The following ABCC3 variants were observed in gnomAD, a reference collection of about 807,000 sequenced individuals.
ABCC3 encodes ATP binding cassette subfamily C member 3.
In ABCC3, 121 loss-of-function variants were observed where a neutral mutation model predicts 165.3. The observed-to-expected ratio is 0.73, with a 90% CI of 0.63 to 0.85. The LOEUF is 0.85. Ranked by LOEUF, ABCC3 falls within the 40% of genes least tolerant of loss-of-function variation. The probability of loss-of-function intolerance (pLI) is 0.00; values close to 1 mark genes in which losing one functional copy is unlikely to be tolerated. For synonymous variants in ABCC3, 733 were observed against 810.1 expected (o/e 0.90, Z 1.62); for missense variants, 1,869 against 1,964.1 (o/e 0.95, Z 0.92).
In ABCC3 at chr17:50,683,935, C is replaced by T. The variant is rs1229353531; in HGVS notation, c.3955-14C>T. 1 of 1,611,310 alleles carries T rather than the reference C, an allele frequency of 6.2e-7. No individual in the cohort carries two copies. The highest frequency in any genetic ancestry group is 8.5e-7 in the Non-Finnish European group (1 of 1,178,942). On this transcript the variant is annotated splice_polypyrimidine_tract_variant and intron_variant, in intron 27 of 30. Transcript: ENST00000285238. ...TCAGCTTCCCCCTCAGAGCCCCTTC[C>T]CTTCTCCGCCCAGGTGGGGATCGTG...
At position 50,675,704 on chromosome 17, in the gene ABCC3, G is replaced by T; in HGVS notation, c.2788G>T (p.Glu930Ter). Residue 930 changes from glutamate to a stop codon, truncating the protein, a stop_gained, in exon 21 of 31, where the codon GAG (glutamate) becomes TAG (stop). Transcript: ENST00000285238. LOFTEE classifies it high-confidence loss of function. The stretch of plus-strand genomic sequence containing the variant: ...ACCCCGGAGGCACCTGGGTCCATCA[G>T]AGAAGGTGCAGGTGACAGAGGCGAA... ...PVPRRHLGPS[E>*]KVQVTEAKAD... is the part of the protein sequence containing the mutation. The T allele has an allele frequency of 6.4e-7, 1 of 1,569,684 alleles. No homozygotes were observed. Among genetic ancestry groups the T allele is most frequent in the East Asian group, 2.4e-5 (1 of 42,504 alleles).
At chr17:50,648,559 G>A in intron 1 of ABCC3, among the ~76,000 whole-genome samples, 1 of 152,182 alleles carries the variant, frequency 6.6e-6, no homozygotes, top group Middle Eastern at 3.2e-3. Context: ...GATTCTTCCA[G>A]TTGTTGGGGG....
At chr17:50,678,366 A>AT (rs1156899030) in intron 25 of ABCC3, 147 bp downstream of exon 25, 1 of 890,082 alleles carries the variant, frequency 1.1e-6, no homozygotes. Flanking sequence ...AAAAAAAAAA[A>AT]GAAAAAAATC....
At chr17:50,635,590 G>T (rs748964710) in intron 1 of ABCC3, 51 of 702,502 alleles carry the variant, frequency 7.3e-5, no homozygotes, top group South Asian at 7.4e-5. Flanking sequence ...GCAGACCCCA[G>T]TCTGGAGACA....
rs1178432608 is a variant in ABCC3, at chr17:50,657,186, A to C, written c.486+3A>C. 1 of 1,613,500 alleles carries C rather than the reference A, an allele frequency of 6.2e-7. No homozygotes were observed. The highest frequency in any genetic ancestry group is 8.5e-7 in the Non-Finnish European group (1 of 1,179,730). ...AGATCCTTTTAGCCAAGGCAGAGGTAAGGTTGGGGGAGAGGGGAACCTGCC... is the reference window on the plus strand; with the variant it reads ...AGATCCTTTTAGCCAAGGCAGAGGTCAGGTTGGGGGAGAGGGGAACCTGCC... On this transcript the variant is annotated splice_donor_region_variant and intron_variant, in intron 4 of 30. Coordinates refer to ENST00000285238, the MANE Select transcript of ABCC3 (RefSeq NM_003786.4).
rs1228307856 is a variant in ABCC3 at position 50,683,951 on chromosome 17, G to A, written c.3957G>A (p.Val1319=). ...LSLHVHGGEK[V]GIVGRTGAGK... is the part of the protein sequence containing the mutation. ...AGCCCCTTCCCTTCTCCGCCCAGGT[G>A]GGGATCGTGGGCCGCACTGGGGCTG... Residue 1319 remains valine (V), a splice_region_variant and synonymous_variant, in exon 28 of 31, where the codon GTG becomes GTA. Coordinates refer to ENST00000285238, the MANE Select transcript of ABCC3 (RefSeq NM_003786.4). The A allele has an allele frequency of 6.2e-7, 1 of 1,612,958 alleles. No individual in the cohort carries two copies. Among genetic ancestry groups the A allele is most frequent in the Non-Finnish European group, 8.5e-7 (1 of 1,179,548 alleles).
chr17:50,683,481 C>G (rs941982475), intron 26 of ABCC3, 129 bp from the exon 27 acceptor site: 1 of 1,044,884 alleles, frequency 9.6e-7, no homozygotes. Flanking sequence ...GGCTGAGCCA[C>G]AGGGGTGCCA....
At chr17:50,648,296 T>C (rs1967043010) in intron 1 of ABCC3, among the ~76,000 whole-genome samples, 1 of 152,020 alleles carries the variant, frequency 6.6e-6, no homozygotes, top group African/African-American at 2.4e-5. Context: ...TTGGAGTCTG[T>C]AAAAGCTCGG....
chr17:50,652,242 T>C (rs1486879601), intron 1 of ABCC3, among the ~76,000 whole-genome samples: 1 of 152,210 alleles, frequency 6.6e-6, no homozygotes, highest in Non-Finnish European at 1.5e-5. Flanking sequence ...TCTTACAGCT[T>C]TCATTTAAAT....
At chr17:50,652,958 G>T (rs763191294) in intron 1 of ABCC3, among the ~76,000 whole-genome samples, 2 of 152,210 alleles carry the variant, frequency 1.3e-5, no homozygotes, top group East Asian at 3.8e-4. Context: ...TTGGCACAGT[G>T]TGCCCTGTCA....
At chr17:50,674,770 A>G (rs1179476244) in intron 19 of ABCC3, among the ~76,000 whole-genome samples, 1 of 142,444 alleles carries the variant, frequency 7.0e-6, no homozygotes, top group African/African-American at 2.6e-5. Context: ...CACTGGACAC[A>G]TTTTCTTTTA....
rs372554197 is a variant in ABCC3 at position 50,678,186 on chromosome 17, G to T, written c.3672G>T (p.Gly1224=). ...AVIGRSSLNP[G]LVGLSVSYSL... ...TCGGGAGGAGCAGCCTGAACCCGGG[G>T]CTGGTGGGCCTTTCTGTGTCCTACT... The change falls in exon 25 of 31, where the codon GGG becomes GGT. Residue 1224 remains glycine, a synonymous_variant. Transcript: ENST00000285238. The T allele has an allele frequency of 1.3e-6, 2 of 1,539,126 alleles. No homozygotes were observed. The highest frequency in any genetic ancestry group is 1.4e-5 in the African/African-American group (1 of 72,662).
chr17:50,684,212 C>T (rs1967980855), intron 28 of ABCC3, 105 bp downstream of exon 28: 1 of 1,430,596 alleles, frequency 7.0e-7, no homozygotes, highest in Admixed American at 2.6e-5. Context: ...GTCTCAGAGG[C>T]TTGGGCAGGT....
intron 1 of ABCC3, among the ~76,000 whole-genome samples, chr17:50,640,759 G>C (rs2054221962): frequency 6.6e-6 from 1 of 152,148 alleles, no homozygotes; most frequent in South Asian, 2.1e-4. Context: ...CTGACCTCAG[G>C]GGACCCACCC....
rs77056881 is a variant in ABCC3 at position 50,642,213 on chromosome 17, G to C, written c.45+7232G>C. Among the ~76,000 whole-genome samples, 21 of 152,344 alleles carry C rather than the reference G, an allele frequency of 1.4e-4. No homozygotes were observed. The East Asian group carries it at 4.1e-3, about 29-fold the overall frequency. On this transcript the variant is annotated intron_variant, in intron 1 of 30. Transcript: ENST00000285238. ...AGGCTAGAAAGGCAGGGACGGCCAA[G>C]AGCTCAGTTCTGGACGTGTTTTGTA...
rs371289420 is a variant in ABCC3 at position 50,660,959 on chromosome 17, C to T, written c.843C>T (p.Ser281=). ...KASAAPGKNA[S]GEDEVLLGAR... The stretch of plus-strand genomic sequence containing the variant: ...CAGCAGCACCTGGGAAAAATGCCTC[C>T]GGCGAGGACGAGGTGCTGCTGGGTG... Residue 281 remains serine (S), a synonymous_variant, in exon 8 of 31, where the codon TCC becomes TCT. Transcript: ENST00000285238. 21 of 1,611,766 alleles carry T rather than the reference C, an allele frequency of 1.3e-5. No individual in the cohort carries two copies. The highest frequency in any genetic ancestry group is 5.3e-5 in the African/African-American group (4 of 74,862).
At chr17:50,648,032 C>G (rs1024522567) in intron 1 of ABCC3, among the ~76,000 whole-genome samples, 1 of 151,426 alleles carries the variant, frequency 6.6e-6, no homozygotes, top group Non-Finnish European at 1.5e-5. Flanking sequence ...GAGCAAGACT[C>G]TGCCCAAAAG....
intron 1 of ABCC3, among the ~76,000 whole-genome samples, chr17:50,645,371 C>CAAAAAA (rs141598761): frequency 6.4e-5 from 3 of 46,844 alleles, no homozygotes; most frequent in African/African-American, 1.8e-4. Flanking sequence ...AAGATTCCAT[C>CAAAAAA]AAAAAAAAAA....
intron 19 of ABCC3, among the ~76,000 whole-genome samples, chr17:50,673,918 TTC>T (rs1360898920): frequency 1.6e-3 from 22 of 13,620 alleles, no homozygotes; most frequent in African/African-American, 7.2e-3. Flanking sequence ...CTTTCTTTCT[TTC>T]TTTCTTTCTT....
Sources: gnomAD v4.1 joint callset for allele counts (sites outside exome capture counted in the v4.1 genomes callset) on GRCh38, gnomAD v4.1.1 for gene constraint, MANE v1.5 for transcripts, NCBI Gene and HGNC (gene_info 2026-07-23, HGNC 2026-07-21) for gene names.